AFAP1: variants seen among roughly 807,000 people sequenced by gnomAD.
The protein encoded by AFAP1 is actin filament associated protein 1, also known as actin filament-associated protein 1.
A neutral mutation model predicts 93.9 loss-of-function variants in AFAP1; 75 were observed. The ratio of observed to expected loss-of-function variants is 0.80; its 90% confidence interval spans 0.66 to 0.97. AFAP1 has a LOEUF of 0.97. Among genes scored for constraint, AFAP1 ranks in the 50% least tolerant of loss-of-function variants. The pLI is 0.00. For synonymous variants in AFAP1, 517 were observed against 430.7 expected (o/e 1.20, Z -2.48); for missense variants, 1,201 against 1,050.8 (o/e 1.14, Z -1.98).
chr4:7,882,112 T>C (rs1442470098), intron 1 of AFAP1, among the ~76,000 whole-genome samples: 1 of 152,108 alleles, frequency 6.6e-6, no homozygotes, highest in Admixed American at 6.5e-5. Context: ...TCTAAAACTA[T>C]GAAGTCCTAA....
chr4:7,847,657 A>G (rs1713877158), intron 4 of AFAP1, among the ~76,000 whole-genome samples: 1 of 152,212 alleles, frequency 6.6e-6, no homozygotes, highest in Non-Finnish European at 1.5e-5. Context: ...AGAGGTCATA[A>G]ACGTTTTGTG....
In AFAP1 at chr4:7,762,656, C is replaced by T. The variant is rs951144143; in HGVS notation, c.*1109G>A. On this transcript the variant is annotated 3_prime_UTR_variant, in exon 18 of 18. Transcript: ENST00000420658. The stretch of plus-strand genomic sequence containing the variant: ...GGGAAAGAGGCCCTACTTGCACCCA[C>T]CCTACTCAGGAGAGGCAGCACGGCC... 1 of 152,280 alleles carries T rather than the reference C, an allele frequency of 6.6e-6. No individual in the cohort carries two copies. The highest frequency in any genetic ancestry group is 1.5e-5 in the Non-Finnish European group (1 of 68,078). The allele number at this position is 152,280 out of a possible 1,614,324, so 9.4% of individuals were successfully genotyped here.
intron 17 of AFAP1, among the ~76,000 whole-genome samples, chr4:7,764,393 A>AT (rs1268818152): frequency 2.5e-4 from 27 of 106,848 alleles, no homozygotes; most frequent in Admixed American, 5.0e-4. Flanking sequence ...CAAAAAATAT[A>AT]AAAAAAAAAG....
intron 4 of AFAP1, among the ~76,000 whole-genome samples, chr4:7,853,238 A>T (rs968266181): frequency 6.6e-6 from 1 of 150,836 alleles, no homozygotes; most frequent in African/African-American, 2.4e-5. Context: ...CAGACTCTGC[A>T]TGGGTGCCAA....
In AFAP1 at chr4:7,872,988, G is replaced by A. The variant is rs187629517; in HGVS notation, c.-2-908C>T. ...ACTTGGGCTGGGCGCGGTGGCTCAC[G>A]TCTGTAATCCCAGCACTTTGGGAGA... On this transcript the variant is annotated intron_variant, in intron 1 of 17. Coordinates refer to ENST00000420658, the MANE Select transcript of AFAP1 (RefSeq NM_001134647.2). Among the ~76,000 whole-genome samples the A allele has an allele frequency of 5.8e-3, 833 of 142,530 alleles. 4 individuals carry two copies. Among genetic ancestry groups the A allele is most frequent in the African/African-American group, 0.018 (691 of 38,276 alleles). 93.5% of individuals were successfully genotyped at this position (142,530 alleles called of 152,430 possible).
intron 1 of AFAP1, among the ~76,000 whole-genome samples, chr4:7,925,599 C>G (rs1394452856): frequency 1.3e-5 from 2 of 152,136 alleles, no homozygotes; most frequent in African/African-American, 4.8e-5. Flanking sequence ...GTAATCCCAG[C>G]ACTTTGGGTG....
chr4:7,932,711 A>G (rs1162832907), intron 1 of AFAP1, among the ~76,000 whole-genome samples: 2 of 152,226 alleles, frequency 1.3e-5, no homozygotes, highest in African/African-American at 4.8e-5. Flanking sequence ...ACATCAAGTC[A>G]GAGGAACAGA....
At chr4:7,864,167 A>ATTCCCAACTTCCCATCACAACACATTCC (rs1577313455) in intron 3 of AFAP1, among the ~76,000 whole-genome samples, 75 of 125,828 alleles carry the variant, frequency 6.0e-4, no homozygotes, top group South Asian at 1.6e-3. Context: ...ATCACAACCC[A>ATTCCCAACTTCCCATCACAACACATTCC]CAGGTCCTTT....
At chr4:7,866,707 T>C (rs950301171) in intron 3 of AFAP1, among the ~76,000 whole-genome samples, 2 of 152,130 alleles carry the variant, frequency 1.3e-5, no homozygotes, top group African/African-American at 4.8e-5. Context: ...ATAACAATGC[T>C]ATATTTCTGG....
rs1032217534 is a variant in AFAP1 at position 7,891,087 on chromosome 4, C to CA, written c.-2-19008dup. On this transcript the variant is annotated intron_variant, in intron 1 of 17. Transcript: ENST00000420658. ...TTTTTCAGCAAGAAAAATAAATTAC[C>CA]AAAAAAAAAAATAAATAAACTACTC... 9.6e-4 allele frequency among the ~76,000 whole-genome samples: 138 copies of CA among 144,130 alleles called. 1 individual carries two copies. The highest frequency in any genetic ancestry group is 4.5e-3 in the South Asian group (20 of 4,480). 94.6% of individuals were successfully genotyped at this position (144,130 alleles called of 152,430 possible). A position where few individuals can be genotyped will look rare whatever the true frequency, so the allele number is the denominator to read the frequency against.
chr4:7,791,772 G>C (rs1717873842), intron 11 of AFAP1, among the ~76,000 whole-genome samples: 1 of 150,458 alleles, frequency 6.6e-6, no homozygotes, highest in Non-Finnish European at 1.5e-5. Flanking sequence ...AGGATCCCTT[G>C]AGCCCAGGAG....
chr4:7,759,584 C>T lies in AFAP1; in HGVS notation c.*4181G>A, dbSNP rs1713492296. On this transcript the variant is annotated 3_prime_UTR_variant, in exon 18 of 18. Coordinates refer to ENST00000420658, the MANE Select transcript of AFAP1 (RefSeq NM_001134647.2). ...TGACAACCAGGAAAAAATGAATTAT[C>T]CTCCTTCAAACTATGTCATGAACTT... 1 of 152,696 alleles carries T rather than the reference C, an allele frequency of 6.5e-6. No individual in the cohort carries two copies. The highest frequency in any genetic ancestry group is 2.4e-5 in the African/African-American group (1 of 41,474). 9.5% of individuals were successfully genotyped at this position (152,696 alleles called of 1,614,324 possible).
At chr4:7,885,821 A>G (rs7441569) in intron 1 of AFAP1, among the ~76,000 whole-genome samples, 65,104 of 152,016 alleles carry the variant, frequency 0.43, 16,597 homozygotes, top group Non-Finnish European at 0.6. Context: ...ATTCTGATGA[A>G]TTCCTTTTCT....
intron 11 of AFAP1, chr4:7,788,669 A>C (rs1717542474): frequency 6.6e-6 from 1 of 152,244 alleles, no homozygotes; most frequent in South Asian, 2.1e-4. Flanking sequence ...TAAAAAATAC[A>C]TATTTAAGGT....
chr4:7,802,665 G>T (rs1719155160), intron 9 of AFAP1, among the ~76,000 whole-genome samples: 1 of 139,858 alleles, frequency 7.2e-6, no homozygotes, highest in African/African-American at 2.8e-5. Context: ...TTTTGAGACA[G>T]GAGTCTTGCT....
rs773606660 is a variant in AFAP1 at position 7,868,635 on chromosome 4, G to T, written c.212C>A (p.Pro71His). 2 of 1,612,228 alleles carry T rather than the reference G, an allele frequency of 1.2e-6. No individual in the cohort carries two copies. The change falls in exon 3 of 18, where the codon CCT becomes CAT. Residue 71 changes from proline (P) to histidine (H), a missense_variant. Transcript: ENST00000420658. ...APPQMPLPEI[P>H]QPWLPPDSGP... ...ACCTTGACTCACCAGCCAGGGCTGA[G>T]GGATCTCCGGCAGGGGCATCTGAGG...
rs755542948 is a variant in AFAP1 at position 7,868,587 on chromosome 4, G to A, written c.225+35C>T. 1.8e-5 allele frequency: 29 copies of A among 1,593,124 alleles called. No homozygotes were observed. The South Asian group carries it at 2.2e-4, about 12-fold the overall frequency. On this transcript the variant is annotated intron_variant, in intron 3 of 17. Coordinates refer to ENST00000420658, the MANE Select transcript of AFAP1 (RefSeq NM_001134647.2). ...GCCCGTAAGTACCCCCAGGCCTCCA[G>A]CGATGACCACTGAGATGGTGGGACC...
chr4:7,884,021 CG>C (rs1239278359), intron 1 of AFAP1, among the ~76,000 whole-genome samples: 3 of 152,098 alleles, frequency 2.0e-5, no homozygotes, highest in Non-Finnish European at 4.4e-5. Flanking sequence ...TGTTGGGTCA[CG>C]GGGGTGGATC....
chr4:7,803,884 A>G (rs1258398030), intron 9 of AFAP1, among the ~76,000 whole-genome samples: 1 of 152,142 alleles, frequency 6.6e-6, no homozygotes, highest in African/African-American at 2.4e-5. Flanking sequence ...CCCCTGGGAT[A>G]ACAGACCTGT....
Sources: gnomAD v4.1 joint callset for allele counts (sites outside exome capture counted in the v4.1 genomes callset) on GRCh38, gnomAD v4.1.1 for gene constraint, MANE v1.5 for transcripts, NCBI Gene and HGNC (gene_info 2026-07-23, HGNC 2026-07-21) for gene names.